SIPA1L1: variants seen among roughly 807,000 people sequenced by gnomAD.
SIPA1L1 encodes the protein signal induced proliferation associated 1 like 1.
In SIPA1L1, 26 loss-of-function variants were observed where a neutral mutation model predicts 162.7. The ratio of observed to expected loss-of-function variants is 0.16; its 90% CI spans 0.12 to 0.22. SIPA1L1 has a LOEUF of 0.22. SIPA1L1 is among the 10% of genes least tolerant of loss of function. The pLI, the probability that SIPA1L1 is intolerant of heterozygous loss-of-function variation, is 1.00. For synonymous variants in SIPA1L1, 829 were observed against 837.4 expected (o/e 0.99, Z 0.17); for missense variants, 1,874 against 2,241.0 (o/e 0.84, Z 3.31).
chr14:71,703,751 C>A (rs1441396767), intron 15 of SIPA1L1, among the ~76,000 whole-genome samples: 1 of 152,104 alleles, frequency 6.6e-6, no homozygotes, highest in African/African-American at 2.4e-5. Context: ...TGCCAGCAAG[C>A]CCTTTGTGAG....
chr14:71,548,677 G>A (rs908278398), intron 4 of SIPA1L1, among the ~76,000 whole-genome samples: 3 of 151,922 alleles, frequency 2.0e-5, no homozygotes, highest in Admixed American at 1.3e-4. Flanking sequence ...TGATCGGATC[G>A]CTTGAGGCCA....
intron 3 of SIPA1L1, among the ~76,000 whole-genome samples, chr14:71,513,422 A>C (rs575356345): frequency 6.6e-6 from 1 of 152,284 alleles, no homozygotes; most frequent in East Asian, 1.9e-4. Flanking sequence ...TTATAAATAC[A>C]AATATATTTA....
chr14:71,738,161 T>TAAAAAA (rs34549978), intron 22 of SIPA1L1, 80 bp from the exon 23 acceptor site: 126 of 368,768 alleles, frequency 3.4e-4, no homozygotes, highest in South Asian at 6.0e-4. Flanking sequence ...CTCCTCAGAG[T>TAAAAAA]AAAAAAAAAA....
intron 7 of SIPA1L1, 113 bp from the exon 8 acceptor site, chr14:71,650,222 A>G: frequency 9.6e-7 from 1 of 1,043,496 alleles, no homozygotes; most frequent in African/African-American, 1.6e-5. Flanking sequence ...ATTTCAAGAG[A>G]AGAAAGGTGT....
intron 2 of SIPA1L1, among the ~76,000 whole-genome samples, chr14:71,352,049 G>C (rs2036768897): frequency 6.6e-6 from 1 of 151,608 alleles, no homozygotes; most frequent in Non-Finnish European, 1.5e-5. Flanking sequence ...ATGATAAACA[G>C]TGAGACTGGT....
intron 2 of SIPA1L1, among the ~76,000 whole-genome samples, chr14:71,487,109 C>G (rs955081505): frequency 6.6e-6 from 1 of 152,198 alleles, no homozygotes; most frequent in African/African-American, 2.4e-5. Flanking sequence ...GGTAAGTTCT[C>G]TGCATGAAAA....
In SIPA1L1 at chr14:71,624,128, C is replaced by T. The variant is rs1567336502; in HGVS notation, c.1710C>T (p.Leu570=). 6.2e-7 allele frequency: 1 copy of T among 1,614,176 alleles called. No individual in the cohort carries two copies. Among genetic ancestry groups the T allele is most frequent in the Admixed American group, 1.7e-5 (1 of 60,016 alleles). Residue 570 remains leucine, a synonymous_variant, in exon 7 of 24, where the codon CTC becomes CTT. Coordinates refer to ENST00000381232, the MANE Select transcript of SIPA1L1 (RefSeq NM_001386936.1). ...ACTCGACAGCCAGAGGCCTGCCTCT[C>T]AAAGAAGTGCTGGAGCACGTGGTTC... is the stretch of plus-strand genomic sequence containing the variant. ...AKHSTARGLP[L]KEVLEHVVPE... is the part of the protein sequence containing the mutation.
At chr14:71,669,505 C>T (rs1257725641) in intron 10 of SIPA1L1, among the ~76,000 whole-genome samples, 1 of 152,186 alleles carries the variant, frequency 6.6e-6, no homozygotes, top group Non-Finnish European at 1.5e-5. Flanking sequence ...TGGATTCTTA[C>T]AGGATTCCAC....
intron 2 of SIPA1L1, among the ~76,000 whole-genome samples, chr14:71,397,800 G>A (rs1024564952): frequency 1.3e-5 from 2 of 151,994 alleles, no homozygotes; most frequent in African/African-American, 4.8e-5. Context: ...ACTTTCTTTT[G>A]TTCAGGCAGC....
chr14:71,464,837 C>T (rs1401303671), intron 2 of SIPA1L1, among the ~76,000 whole-genome samples: 2 of 152,092 alleles, frequency 1.3e-5, no homozygotes, highest in South Asian at 2.1e-4. Context: ...TCAAGTGTAG[C>T]GCACCCCGTC....
intron 2 of SIPA1L1, among the ~76,000 whole-genome samples, chr14:71,417,314 A>G (rs981190126): frequency 6.6e-6 from 1 of 151,262 alleles, no homozygotes; most frequent in Non-Finnish European, 1.5e-5. Flanking sequence ...TACTAAAAAT[A>G]CAAAAAATTA....
chr14:71,542,745 CTCTCT>C (rs2054586992), intron 4 of SIPA1L1, among the ~76,000 whole-genome samples: 2 of 138,342 alleles, frequency 1.4e-5, no homozygotes, highest in Non-Finnish European at 1.6e-5. Context: ...TCTTCTCTCT[CTCTCT>C]TTTTTTTTTT....
chr14:71,713,980 A>T (rs149480533), intron 17 of SIPA1L1, among the ~76,000 whole-genome samples: 207 of 152,272 alleles, frequency 1.4e-3, no homozygotes, highest in Non-Finnish European at 2.4e-3. Context: ...AACTCAGAAT[A>T]TGAAAATTCA....
At chr14:71,733,895 C>T (rs1597299335) in intron 21 of SIPA1L1, 83 bp downstream of exon 21, 1 of 1,409,404 alleles carries the variant, frequency 7.1e-7, no homozygotes, top group Non-Finnish European at 9.6e-7. Context: ...TCTCTGGACA[C>T]ACTCAAAACA....
intron 3 of SIPA1L1, among the ~76,000 whole-genome samples, chr14:71,525,834 T>A (rs546503149): frequency 2.6e-5 from 4 of 152,256 alleles, no homozygotes; most frequent in African/African-American, 9.6e-5. Flanking sequence ...TGTTACTTTT[T>A]AAATTCTGTA....
intron 7 of SIPA1L1, among the ~76,000 whole-genome samples, chr14:71,643,848 C>A (rs1032292752): frequency 6.6e-6 from 1 of 152,212 alleles, no homozygotes; most frequent in Non-Finnish European, 1.5e-5. Flanking sequence ...CACTCTGTCG[C>A]CCAGGCTGGA....
At chr14:71,715,970 C>T (rs1158782434) in intron 17 of SIPA1L1, among the ~76,000 whole-genome samples, 5 of 152,354 alleles carry the variant, frequency 3.3e-5, no homozygotes, top group East Asian at 1.9e-4. Context: ...TTGTGGTCCA[C>T]GGTGATCCCT....
At chr14:71,422,219 G>A (rs1280858165) in intron 2 of SIPA1L1, among the ~76,000 whole-genome samples, 2 of 152,130 alleles carry the variant, frequency 1.3e-5, no homozygotes, top group South Asian at 2.1e-4. Context: ...CATTTATGAT[G>A]TTATAATTAT....
intron 4 of SIPA1L1, among the ~76,000 whole-genome samples, chr14:71,559,641 C>G (rs2056624949): frequency 6.6e-6 from 1 of 152,140 alleles, no homozygotes; most frequent in Non-Finnish European, 1.5e-5. Flanking sequence ...GTTTTTAAAG[C>G]CAAAAGATTT....
Sources: allele counts gnomAD v4.1 joint callset (sites outside exome capture counted in the v4.1 genomes callset), GRCh38; gene constraint gnomAD v4.1.1; transcripts MANE v1.5; gene names NCBI Gene and HGNC (gene_info 2026-07-23, HGNC 2026-07-21).